CNTN4: variants seen among roughly 807,000 people sequenced by gnomAD.
CNTN4 encodes contactin-4.
In CNTN4, 77 loss-of-function variants were observed where a neutral mutation model predicts 122.5. The observed-to-expected ratio is 0.63, with a 90% CI of 0.52 to 0.76. The LOEUF (loss-of-function observed/expected upper bound fraction) is 0.76. CNTN4 is among the 30% of genes least tolerant of loss of function. The probability of loss-of-function intolerance (pLI) is 0.00; values close to 1 mark genes in which losing one functional copy is unlikely to be tolerated. For missense variants in CNTN4, 1,256 were observed against 1,259.1 expected, an observed-to-expected ratio of 1.00 and a Z score of 0.04; for synonymous variants, 512 against 447.0, an observed-to-expected ratio of 1.15 and a Z score of -1.83.
rs560247468 is a variant in CNTN4, at chr3:2,210,947, T to C, written c.-145+110308T>C. On this transcript the variant is annotated intron_variant, in intron 2 of 24. Transcript: ENST00000418658. Reference sequence around the variant, plus strand: ...GCCCATAAAACAATTTTCCTGATAATTGGGTTTTCAGAGAATTCTTGAATC... The same window carrying C: ...GCCCATAAAACAATTTTCCTGATAACTGGGTTTTCAGAGAATTCTTGAATC... Among the ~76,000 whole-genome samples the C allele has an allele frequency of 2.0e-5, 3 of 152,340 alleles. No homozygotes were observed. The East Asian group carries it at 5.8e-4, about 29-fold the overall frequency.
chr3:2,916,789 G>A (rs1387522049), intron 12 of CNTN4, among the ~76,000 whole-genome samples: 1 of 149,958 alleles, frequency 6.7e-6, no homozygotes, highest in Non-Finnish European at 1.5e-5. Flanking sequence ...GGGCAGAGGG[G>A]CCCCCCACCT....
chr3:2,264,280 T>A (rs2040954501), intron 2 of CNTN4, among the ~76,000 whole-genome samples: 1 of 152,160 alleles, frequency 6.6e-6, no homozygotes, highest in Admixed American at 6.6e-5. Context: ...CAGCATGTGT[T>A]ATTTTTTGTC....
chr3:2,714,861 C>CG lies in CNTN4; in HGVS notation c.56-21354_56-21353insG, dbSNP rs1477150192. On this transcript the variant is annotated intron_variant, in intron 4 of 24. Coordinates refer to ENST00000418658, the MANE Select transcript of CNTN4 (RefSeq NM_175607.3). ...CAAACGATCCTCCTTCCTTGGCCCC[C>CG]AAAGCTCTGGGGTTACAGGCATGAG... 2.0e-5 allele frequency among the ~76,000 whole-genome samples: 3 copies of CG among 152,254 alleles called. No individual in the cohort carries two copies. The East Asian group carries it at 5.8e-4, about 29-fold the overall frequency.
intron 8 of CNTN4, among the ~76,000 whole-genome samples, chr3:2,875,997 T>G (rs1301649252): frequency 6.6e-6 from 1 of 152,220 alleles, no homozygotes; most frequent in Admixed American, 6.5e-5. Context: ...TGAGACAGTC[T>G]TCTTGAAAAA....
At chr3:2,875,496 A>G (rs1275934444) in intron 8 of CNTN4, among the ~76,000 whole-genome samples, 1 of 152,036 alleles carries the variant, frequency 6.6e-6, no homozygotes, top group Non-Finnish European at 1.5e-5. Flanking sequence ...TGGGCCCACC[A>G]CCTATTTTTG....
At chr3:2,737,287 G>A (rs912345226) in intron 5 of CNTN4, among the ~76,000 whole-genome samples, 17 of 151,862 alleles carry the variant, frequency 1.1e-4, no homozygotes, top group Non-Finnish European at 2.4e-4. Context: ...CACCATGTTG[G>A]CCAAACTGGT....
intron 4 of CNTN4, among the ~76,000 whole-genome samples, chr3:2,666,668 T>A (rs1043351656): frequency 5.9e-5 from 9 of 152,168 alleles, no homozygotes; most frequent in African/African-American, 1.9e-4. Flanking sequence ...TATGTATACA[T>A]GTGCCATGTT....
intron 14 of CNTN4, among the ~76,000 whole-genome samples, chr3:2,992,068 C>T (rs1338423334): frequency 6.6e-6 from 1 of 152,130 alleles, no homozygotes; most frequent in Non-Finnish European, 1.5e-5. Flanking sequence ...CGGAGAGAGG[C>T]TGAAGATAGT....
chr3:2,607,610 C>CCACACACACACACACACACA (rs61707029), intron 4 of CNTN4, among the ~76,000 whole-genome samples: 67,981 of 145,182 alleles, frequency 0.47, 16,475 homozygotes, highest in East Asian at 0.82. Context: ...ACATATGCAT[C>CCACACACACACACACACACA]CACACACACA....
At chr3:2,305,903 C>G (rs980149743) in intron 2 of CNTN4, among the ~76,000 whole-genome samples, 2 of 152,140 alleles carry the variant, frequency 1.3e-5, no homozygotes, top group Non-Finnish European at 2.9e-5. Flanking sequence ...AGTTTTGTGT[C>G]TGACTTCTTT....
At chr3:2,399,651 C>T (rs1008604182) in intron 3 of CNTN4, among the ~76,000 whole-genome samples, 9 of 151,898 alleles carry the variant, frequency 5.9e-5, no homozygotes, top group African/African-American at 2.2e-4. Flanking sequence ...GGAATTCACC[C>T]TCCATATACT....
chr3:2,835,158 G>T (rs58149795), intron 7 of CNTN4, among the ~76,000 whole-genome samples: 67,936 of 151,418 alleles, frequency 0.45, 17,610 homozygotes, highest in East Asian at 0.8. Context: ...GCCCGCCTCA[G>T]CCTCCCAAAG....
At position 2,122,083 on chromosome 3, in the gene CNTN4, A is replaced by G. The variant is rs1443320711; in HGVS notation, c.-145+21444A>G. ...GGCAGGAGAATGGCGGGAACCCGGG[A>G]GGCGGAGCTTGCAGTGAGCTGAGAT... is the stretch of plus-strand genomic sequence containing the variant. On this transcript the variant is annotated intron_variant, in intron 2 of 24. Coordinates refer to ENST00000418658, the MANE Select transcript of CNTN4 (RefSeq NM_175607.3). Among the ~76,000 whole-genome samples, 9 of 151,096 alleles carry G rather than the reference A, an allele frequency of 6.0e-5. No individual in the cohort carries two copies. The East Asian group carries it at 7.9e-4, about 13-fold the overall frequency.
At chr3:2,602,695 CA>C (rs1380320549) in intron 4 of CNTN4, among the ~76,000 whole-genome samples, 1 of 152,152 alleles carries the variant, frequency 6.6e-6, no homozygotes, top group East Asian at 1.9e-4. Context: ...ATGTCATCCC[CA>C]TCAAGCTACC....
intron 2 of CNTN4, among the ~76,000 whole-genome samples, chr3:2,186,732 C>G (rs191333399): frequency 2.6e-5 from 4 of 152,070 alleles, no homozygotes; most frequent in East Asian, 1.9e-4. Context: ...ATGTCTTCTT[C>G]TGAGAAGTGT....
chr3:2,371,617 T>C (rs577237529), intron 3 of CNTN4, among the ~76,000 whole-genome samples: 16 of 152,350 alleles, frequency 1.1e-4, no homozygotes, highest in African/African-American at 3.4e-4. Flanking sequence ...TGTTTTTGTA[T>C]TTCTTTTATT....
chr3:2,132,252 A>T (rs2034486184), intron 2 of CNTN4: 1 of 152,184 alleles, frequency 6.6e-6, no homozygotes, highest in Non-Finnish European at 1.5e-5. Context: ...TACCTTGGAC[A>T]TCCCCACCCA....
intron 16 of CNTN4, among the ~76,000 whole-genome samples, 161 bp downstream of exon 16, chr3:3,031,136 A>G (rs1385734632): frequency 6.6e-6 from 1 of 152,236 alleles, no homozygotes; most frequent in East Asian, 1.9e-4. Flanking sequence ...TTTCTGGTTC[A>G]TATACAGTTC....
chr3:2,805,843 G>A (rs577239791), intron 6 of CNTN4, among the ~76,000 whole-genome samples: 3 of 152,210 alleles, frequency 2.0e-5, no homozygotes, highest in East Asian at 3.9e-4. Flanking sequence ...GGTGATCACC[G>A]CCAGCAAAAA....
Sources: gnomAD v4.1 joint callset for allele counts (sites outside exome capture counted in the v4.1 genomes callset) on GRCh38, gnomAD v4.1.1 for gene constraint, MANE v1.5 for transcripts, NCBI Gene and HGNC (gene_info 2026-07-23, HGNC 2026-07-21) for gene names.